Variants in MFHAS1 observed in about 807,000 individuals in gnomAD.
MFHAS1 encodes the protein multifunctional ROCO family signaling regulator 1.
Under a neutral mutation model 70.4 loss-of-function variants are expected in MFHAS1, and 50 were observed. The observed-to-expected ratio is 0.71, with a 90% CI of 0.57 to 0.90. The LOEUF (loss-of-function observed/expected upper bound fraction) is 0.90, where lower values mean the gene tolerates loss of function less well. MFHAS1 is among the 40% of genes least tolerant of loss of function. MFHAS1 has a pLI of 0.00. For synonymous variants in MFHAS1, 952 were observed against 620.0 expected (o/e 1.54, Z -7.96); for missense variants, 1,795 against 1,347.6 (o/e 1.33, Z -5.20).
At chr8:8,854,517 T>A (rs1216508566) in intron 1 of MFHAS1, among the ~76,000 whole-genome samples, 1 of 86,994 alleles carries the variant, frequency 1.1e-5, no homozygotes, top group Admixed American at 1.4e-4. Flanking sequence ...CGAGACTCTG[T>A]CTCAAAAAAA....
At chr8:8,808,171 C>A (rs1806403229) in intron 1 of MFHAS1, among the ~76,000 whole-genome samples, 1 of 151,734 alleles carries the variant, frequency 6.6e-6, no homozygotes, top group Non-Finnish European at 1.5e-5. Context: ...ACTGTAGACT[C>A]TCCCCTGGGA....
chr8:8,845,667 T>A (rs1808006403), intron 1 of MFHAS1, among the ~76,000 whole-genome samples: 2 of 152,230 alleles, frequency 1.3e-5, no homozygotes, highest in Non-Finnish European at 2.9e-5. Flanking sequence ...AAGCTTAGTG[T>A]TATACTCTGA....
chr8:8,789,685 AG>A (rs1348414356), intron 2 of MFHAS1, among the ~76,000 whole-genome samples: 3 of 152,128 alleles, frequency 2.0e-5, no homozygotes, highest in Admixed American at 2.0e-4. Context: ...TGCCCCTCCT[AG>A]GATTAGCCAA....
chr8:8,797,987 C>G (rs1233781157), intron 1 of MFHAS1, among the ~76,000 whole-genome samples: 1 of 152,202 alleles, frequency 6.6e-6, no homozygotes, highest in African/African-American at 2.4e-5. Flanking sequence ...CACAAACAGC[C>G]TAAGATCAGC....
At chr8:8,851,636 A>C (rs531479315) in intron 1 of MFHAS1, among the ~76,000 whole-genome samples, 1 of 152,238 alleles carries the variant, frequency 6.6e-6, no homozygotes, top group Non-Finnish European at 1.5e-5. Context: ...TTGCAAAACA[A>C]AACTGGAAAC....
chr8:8,864,804 A>T (rs144736431), intron 1 of MFHAS1, among the ~76,000 whole-genome samples: 1 of 152,178 alleles, frequency 6.6e-6, no homozygotes, highest in Non-Finnish European at 1.5e-5. Flanking sequence ...AAGGAAAGGG[A>T]AGGAGAGAGG....
In MFHAS1 at chr8:8,783,689, G is replaced by C. The variant is rs955624152; in HGVS notation, c.*2333C>G. 7 of 152,164 alleles carry C rather than the reference G, an allele frequency of 4.6e-5. No individual in the cohort carries two copies. Among genetic ancestry groups the C allele is most frequent in the African/African-American group, 1.7e-4 (7 of 41,434 alleles). 9.4% of individuals were successfully genotyped at this position (152,164 alleles called of 1,614,324 possible). On this transcript the variant is annotated 3_prime_UTR_variant, in exon 3 of 3. Transcript: ENST00000276282. ...AACTTGGAGGGCATTTGTTTGAGAGGCAAGGGACGCCTTGCTTAGAAAACA... is the reference window on the plus strand; with the variant it reads ...AACTTGGAGGGCATTTGTTTGAGAGCCAAGGGACGCCTTGCTTAGAAAACA...
chr8:8,832,644 TTCAAGACAGAGTCTC>T (rs1287811655), intron 1 of MFHAS1, among the ~76,000 whole-genome samples: 1 of 149,376 alleles, frequency 6.7e-6, no homozygotes, highest in African/African-American at 2.5e-5. Context: ...TTTTTTTTTT[TTCAAGACAGAGTCTC>T]TCTCTGTTGC....
At chr8:8,838,498 T>A (rs1807687971) in intron 1 of MFHAS1, among the ~76,000 whole-genome samples, 2 of 152,306 alleles carry the variant, frequency 1.3e-5, no homozygotes, top group Non-Finnish European at 2.9e-5. Flanking sequence ...ACCCCACACC[T>A]TCTAATAAGC....
At chr8:8,852,095 G>C (rs991818070) in intron 1 of MFHAS1, among the ~76,000 whole-genome samples, 2 of 152,094 alleles carry the variant, frequency 1.3e-5, no homozygotes, top group Non-Finnish European at 2.9e-5. Flanking sequence ...CATGGGAGTC[G>C]CACCCTTAGC....
At chr8:8,816,655 A>AGCT (rs1806758062) in intron 1 of MFHAS1, among the ~76,000 whole-genome samples, 1 of 152,244 alleles carries the variant, frequency 6.6e-6, no homozygotes, top group Admixed American at 6.5e-5. Flanking sequence ...CTACGCAAAC[A>AGCT]TGTAGAAAGT....
chr8:8,839,849 C>T (rs1170605632), intron 1 of MFHAS1, among the ~76,000 whole-genome samples: 1 of 152,048 alleles, frequency 6.6e-6, no homozygotes, highest in African/African-American at 2.4e-5. Flanking sequence ...CATAGTATTA[C>T]AGTGGAAGAT....
chr8:8,834,572 T>A (rs1807530261), intron 1 of MFHAS1, among the ~76,000 whole-genome samples: 1 of 152,224 alleles, frequency 6.6e-6, no homozygotes, highest in Non-Finnish European at 1.5e-5. Context: ...AGTAACATGC[T>A]GCACAGGTTT....
intron 1 of MFHAS1, among the ~76,000 whole-genome samples, chr8:8,820,149 T>C (rs1367488975): frequency 6.6e-6 from 1 of 152,202 alleles, no homozygotes; most frequent in African/African-American, 2.4e-5. Flanking sequence ...AGTGCTGGTT[T>C]GAATAAGGAA....
intron 1 of MFHAS1, among the ~76,000 whole-genome samples, chr8:8,814,284 G>A (rs544727702): frequency 1.3e-5 from 2 of 152,210 alleles, no homozygotes; most frequent in African/African-American, 2.4e-5. Context: ...CTTTTCTAAG[G>A]TTAGATGCAC....
rs141514627 is a variant in MFHAS1 at position 8,880,904 on chromosome 8, C to G, written c.2998+9157G>C. Among the ~76,000 whole-genome samples the G allele has an allele frequency of 7.1e-4, 108 of 152,190 alleles. 1 individual carries two copies. The highest frequency in any genetic ancestry group is 1.2e-3 in the Non-Finnish European group (83 of 68,012). ...TTCACCGCATTGGCCAACCTGTTCT[C>G]GAACTCCTGACCTCAAGTGATCCAC... On this transcript the variant is annotated intron_variant, in intron 1 of 2. Transcript: ENST00000276282.
intron 1 of MFHAS1, among the ~76,000 whole-genome samples, chr8:8,813,113 G>A (rs1339416798): frequency 6.6e-6 from 1 of 152,114 alleles, no homozygotes; most frequent in Admixed American, 6.5e-5. Flanking sequence ...CATTTATAAG[G>A]GTGGTCCCAT....
intron 1 of MFHAS1, among the ~76,000 whole-genome samples, chr8:8,828,966 G>A (rs942314598): frequency 2.6e-5 from 4 of 152,042 alleles, no homozygotes; most frequent in South Asian, 2.1e-4. Context: ...TCCCTCTTCC[G>A]GCCCGTTACT....
rs149992783 is a variant in MFHAS1 at position 8,884,115 on chromosome 8, T to C, written c.2998+5946A>G. ...AAAAAAAATTAAAGAAAAAATACTT[T>C]AGGAAATTCTAAACTACTTGTGCAG... On this transcript the variant is annotated intron_variant, in intron 1 of 2. Transcript: ENST00000276282. 3.1e-3 allele frequency among the ~76,000 whole-genome samples: 466 copies of C among 151,722 alleles called. 4 individuals are homozygous for C. Among genetic ancestry groups the C allele is most frequent in the African/African-American group, 0.01 (432 of 41,286 alleles).
Sources: allele counts gnomAD v4.1 joint callset (sites outside exome capture counted in the v4.1 genomes callset), GRCh38; gene constraint gnomAD v4.1.1; transcripts MANE v1.5; gene names NCBI Gene and HGNC (gene_info 2026-07-23, HGNC 2026-07-21).